PDLIM2: variants seen among roughly 807,000 people sequenced by gnomAD.
PDLIM2 encodes the protein PDZ and LIM domain 2, also known as PDZ and LIM domain protein 2.
A neutral mutation model predicts 54.1 loss-of-function variants in PDLIM2; 51 were observed. That is an observed-to-expected ratio of 0.94 (90% confidence interval 0.75 to 1.19). The LOEUF is 1.19. Among genes scored for constraint, PDLIM2 ranks in the 50% most tolerant of loss-of-function variants. PDLIM2 has a pLI of 0.00. For synonymous variants in PDLIM2, 398 were observed against 385.6 expected (o/e 1.03, Z -0.38); for missense variants, 912 against 874.0 (o/e 1.04, Z -0.55).
chr8:22,585,210 C>T (rs1250556157), intron 5 of PDLIM2, 48 bp downstream of exon 4: 2 of 1,606,918 alleles, frequency 1.2e-6, no homozygotes, highest in Admixed American at 1.7e-5. Context: ...GCTGCCAGCT[C>T]CAGGCTGGCT....
intron 6 of PDLIM2, 115 bp from the exon 6 acceptor site, chr8:22,589,183 G>A (rs1475062200): frequency 9.4e-7 from 1 of 1,060,852 alleles, no homozygotes; most frequent in Non-Finnish European, 1.4e-6. Context: ...CCGCTGGTCG[G>A]CGAGGGCCGG....
exon 1 of PDLIM2, chr8:22,578,949 C>T (rs1247917434): frequency 2.4e-6 from 3 of 1,239,570 alleles, no homozygotes; most frequent in Non-Finnish European, 3.0e-6. Context: ...GCTGGACGGT[C>T]GCAGCCTGCA....
At chr8:22,584,954 C>T (rs371573566) in intron 4 of PDLIM2, 63 bp from the exon 4 acceptor site, 32 of 1,613,652 alleles carry the variant, frequency 2.0e-5, no homozygotes, top group Middle Eastern at 1.6e-4. Flanking sequence ...AAGTGAGGCC[C>T]GAGGGCAGGG....
chr8:22,579,547 G>A, intron 1 of PDLIM2: 1 of 1,444,170 alleles, frequency 6.9e-7, no homozygotes, highest in Middle Eastern at 2.5e-4. Flanking sequence ...TCTCGGGGCG[G>A]CCGCGAGCCG....
exon 10 of PDLIM2, chr8:22,594,004 A>G: frequency 1.4e-6 from 2 of 1,477,368 alleles, no homozygotes; most frequent in Non-Finnish European, 1.8e-6. Flanking sequence ...TTGCTCTTAC[A>G]TGAGCTAAGT....
At position 22,593,820 on chromosome 8, in the gene PDLIM2, CG is replaced by C; in HGVS notation, c.1722del (p.His575ThrfsTer61). 1.3e-6 allele frequency: 2 copies of C among 1,599,722 alleles called. No individual in the cohort carries two copies. On this transcript the variant is annotated frameshift_variant, in exon 10 of 10. Transcript: ENST00000308354. LOFTEE classifies it high-confidence loss of function. ...ACTGTGGGCTGAACCTGAAGATGCG[CG>C]GGCACTTCTGGGTGGGTGACGAGCT...
intron 2 of PDLIM2, chr8:22,581,076 A>G (rs1488801726): frequency 3.0e-6 from 2 of 673,824 alleles, no homozygotes; most frequent in Admixed American, 2.1e-5. Context: ...AGCCACCTGC[A>G]AGGTGCGATT....
chr8:22,579,116 G>A, exon 1 of PDLIM2: 3 of 1,275,206 alleles, frequency 2.4e-6, no homozygotes, highest in Non-Finnish European at 3.0e-6. Context: ...GGGAGCCCCG[G>A]GCGGGCTCTC....
At chr8:22,589,609 G>T (rs771832603) in exon 8 of PDLIM2, 1 of 1,602,878 alleles carries the variant, frequency 6.2e-7, no homozygotes, top group East Asian at 2.2e-5. Context: ...GGACTCGGAA[G>T]GGGGAAGCCT....
chr8:22,588,006 A>G (rs1800428285), intron 6 of PDLIM2: 1 of 152,302 alleles, frequency 6.6e-6, no homozygotes, highest in Non-Finnish European at 1.5e-5. Flanking sequence ...TGCCCTAGGC[A>G]GGGCCCATGG....
chr8:22,594,233 A>G, exon 10 of PDLIM2: 6 of 1,393,674 alleles, frequency 4.3e-6, no homozygotes, highest in Non-Finnish European at 4.6e-6. Context: ...CCAGGGGCTA[A>G]TGGTGTCACT....
At position 22,580,637 on chromosome 8, in the gene PDLIM2, GC is replaced by G; in HGVS notation, c.786del (p.Trp263GlyfsTer17). On this transcript the variant is annotated frameshift_variant, in exon 2 of 10. Transcript: ENST00000308354. LOFTEE classifies it high-confidence loss of function. The stretch of plus-strand genomic sequence containing the variant: ...TGACGGTGGATGTGGCCGGGCCAGC[GC>G]CCTGGGGCTTCCGTATCACAGGGGG... 6.2e-7 allele frequency: 1 copy of G among 1,614,028 alleles called. No homozygotes were observed. Among genetic ancestry groups the G allele is most frequent in the Non-Finnish European group, 8.5e-7 (1 of 1,179,994 alleles).
chr8:22,580,949 C>A (rs1217119886), intron 2 of PDLIM2: 6 of 678,032 alleles, frequency 8.8e-6, no homozygotes, highest in Non-Finnish European at 1.7e-5. Context: ...AGTTGCTATC[C>A]CCACACTTGC....
intron 5 of PDLIM2, 73 bp downstream of exon 4, chr8:22,585,235 G>A: frequency 6.2e-7 from 1 of 1,603,568 alleles, no homozygotes; most frequent in Non-Finnish European, 8.5e-7. Context: ...TGAGTCTCAG[G>A]AGCTCTGCTT....
At chr8:22,590,035 C>G in intron 8 of PDLIM2, 1 of 406,842 alleles carries the variant, frequency 2.5e-6, no homozygotes, top group Non-Finnish European at 4.5e-6. Context: ...GGCTGGGCCT[C>G]CAGGGAGGGC....
intron 4 of PDLIM2, 61 bp downstream of exon 3, chr8:22,584,951 GC>G (rs1351836489): frequency 2.4e-5 from 38 of 1,613,792 alleles, no homozygotes; most frequent in Non-Finnish European, 3.1e-5. Context: ...TGAAAGTGAG[GC>G]CCGAGGGCAG....
chr8:22,582,317 C>T (rs1204133727), intron 3 of PDLIM2, among the ~76,000 whole-genome samples: 4 of 152,204 alleles, frequency 2.6e-5, no homozygotes, highest in Admixed American at 6.5e-5. Context: ...GTGGCAGAAG[C>T]CGGCTCCCTT....
chr8:22,594,548 G>A, downstream of PDLIM2: 1 of 1,614,102 alleles, frequency 6.2e-7, no homozygotes, highest in Middle Eastern at 1.6e-4. Context: ...TTGTGCTATG[G>A]AGGGAATGAG....
intron 9 of PDLIM2, chr8:22,593,284 A>G (rs1265275944): frequency 1.3e-5 from 2 of 155,964 alleles, no homozygotes; most frequent in Non-Finnish European, 2.8e-5. Context: ...AGCTTCAAGA[A>G]TCAAGTCTCG....
Sources: gnomAD v4.1 joint callset for allele counts (sites outside exome capture counted in the v4.1 genomes callset) on GRCh38, gnomAD v4.1.1 for gene constraint, MANE v1.5 for transcripts, NCBI Gene and HGNC (gene_info 2026-07-23, HGNC 2026-07-21) for gene names.